The following SHMT1 variants were observed in gnomAD, a reference collection of about 807,000 sequenced individuals.
SHMT1 encodes serine hydroxymethyltransferase, cytosolic.
A neutral mutation model predicts 49.0 loss-of-function variants in SHMT1; 45 were observed. That is an observed-to-expected ratio of 0.92 (90% CI 0.72 to 1.18). The LOEUF is 1.18. Ranked by LOEUF, SHMT1 falls within the 50% of genes most tolerant of loss-of-function variation. SHMT1 has a pLI of 0.00. For synonymous variants in SHMT1, 232 were observed against 246.6 expected (o/e 0.94, Z 0.55); for missense variants, 541 against 612.4 (o/e 0.88, Z 1.23).
At chr17:18,353,947 A>G (rs1292348494) in intron 2 of SHMT1, 130 bp from the exon 3 acceptor site, 5 of 843,732 alleles carry the variant, frequency 5.9e-6, no homozygotes, top group African/African-American at 5.1e-5. Context: ...TCCTCCTCAA[A>G]GGTTTTAGTA....
intron 8 of SHMT1, 69 bp downstream of exon 8, chr17:18,335,490 A>C (rs981283160): frequency 1.3e-5 from 14 of 1,104,186 alleles, no homozygotes; most frequent in Non-Finnish European, 1.8e-5. Context: ...GTCCTGGCAC[A>C]CGATTTTGGA....
chr17:18,338,913 A>G (rs1196389599), intron 7 of SHMT1, among the ~76,000 whole-genome samples: 2 of 152,098 alleles, frequency 1.3e-5, no homozygotes, highest in Non-Finnish European at 2.9e-5. Context: ...CACTGCGGAA[A>G]GCCGCAGGGT....
intron 7 of SHMT1, among the ~76,000 whole-genome samples, chr17:18,337,982 C>T (rs1336645825): frequency 6.6e-6 from 1 of 152,002 alleles, no homozygotes; most frequent in Non-Finnish European, 1.5e-5. Flanking sequence ...GCAGCCTCTG[C>T]CTGGCCGCCA....
intron 11 of SHMT1, 60 bp from the exon 12 acceptor site, chr17:18,328,979 TGG>T: frequency 6.2e-7 from 1 of 1,602,276 alleles, no homozygotes; most frequent in Non-Finnish European, 8.5e-7. Context: ...GTACAATGGC[TGG>T]GGGCCGAGGC....
At chr17:18,330,066 C>T (rs1423263295) in intron 10 of SHMT1, among the ~76,000 whole-genome samples, 3 of 152,000 alleles carry the variant, frequency 2.0e-5, no homozygotes, top group Non-Finnish European at 4.4e-5. Flanking sequence ...TTCTCAATCT[C>T]CTGACCTCGT....
chr17:18,330,503 G>A (rs1002251255), intron 10 of SHMT1, 52 bp downstream of exon 10: 1 of 1,303,350 alleles, frequency 7.7e-7, no homozygotes, highest in African/African-American at 1.5e-5. Context: ...ACTTTGGCCA[G>A]AAGAAATGCA....
intron 5 of SHMT1, among the ~76,000 whole-genome samples, chr17:18,345,088 C>T (rs1984945450): frequency 6.6e-6 from 1 of 152,154 alleles, no homozygotes; most frequent in Admixed American, 6.6e-5. Context: ...AAATCACCCC[C>T]ACAGCGGGTG....
intron 1 of SHMT1, among the ~76,000 whole-genome samples, chr17:18,359,823 G>T (rs1422368483): frequency 3.3e-5 from 5 of 151,964 alleles, no homozygotes; most frequent in African/African-American, 1.2e-4. Context: ...GCGCCCGCCT[G>T]TAATTCCAGC....
rs193284247 is a variant in SHMT1 at position 18,339,807 on chromosome 17, G to A, written c.814+236C>T. 5.2e-3 allele frequency among the ~76,000 whole-genome samples: 797 copies of A among 152,210 alleles called. 6 individuals carry two copies. Among genetic ancestry groups the A allele is most frequent in the Non-Finnish European group, 5.4e-3 (366 of 68,014 alleles). On this transcript the variant is annotated intron_variant, in intron 7 of 11. Coordinates refer to ENST00000316694, the MANE Select transcript of SHMT1 (RefSeq NM_004169.5). ...GATCTCCTGACCTCGTGATCTGCCC[G>A]CTTCGGCCTCCCAAAGTGCTGGGAT...
At position 18,347,639 on chromosome 17, in the gene SHMT1, C is replaced by T. The variant is rs1219484526; in HGVS notation, c.376G>A (p.Ala126Thr). 18 of 1,614,188 alleles carry T rather than the reference C, an allele frequency of 1.1e-5. No homozygotes were observed. The highest frequency in any genetic ancestry group is 1.4e-5 in the Non-Finnish European group (16 of 1,180,040). The change falls in exon 5 of 12, where the codon GCT becomes ACT. Residue 126 changes from alanine to threonine, a missense_variant. Physicochemically the swap from Ala to Thr is moderately conservative, Grantham distance 58 (BLOSUM62 0). Transcript: ENST00000316694. ...GGTTCCACCAGGGCAGTGTACACAGCAAAGTTTGCAGGGGAGCCTGAAACG... is the reference window on the plus strand; with the variant it reads ...GGTTCCACCAGGGCAGTGTACACAGTAAAGTTTGCAGGGGAGCCTGAAACG... ...QPYSGSPANF[A>T]VYTALVEPHG...
At chr17:18,360,110 A>G (rs974884423) in intron 1 of SHMT1, among the ~76,000 whole-genome samples, 1 of 151,738 alleles carries the variant, frequency 6.6e-6, no homozygotes, top group Admixed American at 6.6e-5. Context: ...TTAGATGGGC[A>G]TAGTGGTGGG....
At chr17:18,360,340 T>C (rs1480662769) in intron 1 of SHMT1, 1 of 151,992 alleles carries the variant, frequency 6.6e-6, no homozygotes, top group Non-Finnish European at 1.5e-5. Context: ...GAAGATCACT[T>C]GAGCCCAGGC....
intron 3 of SHMT1, among the ~76,000 whole-genome samples, chr17:18,352,260 C>A (rs1174013757): frequency 6.6e-6 from 1 of 151,202 alleles, no homozygotes; most frequent in Non-Finnish European, 1.5e-5. Flanking sequence ...CATTCTCCTG[C>A]ATCAGCCTCC....
intron 1 of SHMT1, among the ~76,000 whole-genome samples, 191 bp from the exon 2 acceptor site, chr17:18,356,191 T>A (rs1986224885): frequency 6.6e-6 from 1 of 152,046 alleles, no homozygotes; most frequent in Non-Finnish European, 1.5e-5. Flanking sequence ...TACAGGCGCA[T>A]GCCACCATGC....
chr17:18,339,066 A>T (rs1438078474), intron 7 of SHMT1, among the ~76,000 whole-genome samples: 2 of 149,764 alleles, frequency 1.3e-5, no homozygotes, highest in Non-Finnish European at 3.0e-5. Flanking sequence ...AAAAAAAAAA[A>T]AAAAAAAAAA....
rs746850208 is a variant in SHMT1 at position 18,355,938 on chromosome 17, C to T, written c.44G>A (p.Trp15Ter). Residue 15 changes from tryptophan (W) to a stop codon, truncating the protein, a stop_gained, in exon 2 of 12, where the codon TGG (tryptophan) becomes TAG (stop). Coordinates refer to ENST00000316694, the MANE Select transcript of SHMT1 (RefSeq NM_004169.5). LOFTEE classifies it high-confidence loss of function. ...VNGAHKDADL[W>*]SSHDKMLAQP... ...TGCCAGCATCTTGTCATGTGAGGAC[C>T]ACAGGTCAGCATCCTTGTGGGCCCC... 6.2e-7 allele frequency: 1 copy of T among 1,614,104 alleles called. No individual in the cohort carries two copies. Among genetic ancestry groups the T allele is most frequent in the South Asian group, 1.1e-5 (1 of 91,082 alleles).
intron 5 of SHMT1, among the ~76,000 whole-genome samples, chr17:18,346,485 T>G (rs1490935018): frequency 2.6e-5 from 4 of 152,140 alleles, no homozygotes; most frequent in Non-Finnish European, 1.5e-5. Flanking sequence ...CCTGGGGCCC[T>G]GCACACCCTA....
intron 5 of SHMT1, among the ~76,000 whole-genome samples, chr17:18,344,689 A>G (rs919990106): frequency 6.6e-6 from 1 of 151,830 alleles, no homozygotes; most frequent in Non-Finnish European, 1.5e-5. Context: ...ACAAGAGAAC[A>G]ACTCCTAGAA....
chr17:18,339,935 C>T, intron 7 of SHMT1, 108 bp downstream of exon 7: 2 of 1,091,452 alleles, frequency 1.8e-6, no homozygotes, highest in Middle Eastern at 2.0e-4. Context: ...TAATATTTTC[C>T]AAGGATCCCA....
Sources: allele counts gnomAD v4.1 joint callset (sites outside exome capture counted in the v4.1 genomes callset), GRCh38; gene constraint gnomAD v4.1.1; transcripts MANE v1.5; gene names NCBI Gene and HGNC (gene_info 2026-07-23, HGNC 2026-07-21).